Variants in ARHGAP25 observed in about 807,000 individuals in gnomAD.
ARHGAP25 encodes rho GTPase-activating protein 25.
Under a neutral mutation model 71.0 loss-of-function variants are expected in ARHGAP25, and 34 were observed. The ratio of observed to expected loss-of-function variants is 0.48; its 90% confidence interval spans 0.36 to 0.64. The LOEUF (loss-of-function observed/expected upper bound fraction) is 0.64. ARHGAP25 is among the 30% of genes least tolerant of loss of function. ARHGAP25 has a pLI of 0.00. For missense variants in ARHGAP25, 706 were observed against 805.1 expected (o/e 0.88, Z 1.49); for synonymous variants, 282 against 296.5 (o/e 0.95, Z 0.50).
chr2:68,823,548 G>C (rs1372067168), intron 10 of ARHGAP25, among the ~76,000 whole-genome samples: 1 of 152,182 alleles, frequency 6.6e-6, no homozygotes, highest in Non-Finnish European at 1.5e-5. Flanking sequence ...GCCGAGCCAT[G>C]AGAAAAGAGC....
Position 68,783,123 on chromosome 2 carries a change from C to T in ARHGAP25, c.349+803C>T, listed in dbSNP as rs112192463. Among the ~76,000 whole-genome samples the T allele has an allele frequency of 5.9e-5, 9 of 152,348 alleles. No individual in the cohort carries two copies. In the East Asian group the frequency reaches 1.3e-3, roughly 23 times the overall value. ...ATAAGAAAGTTGATGGAGAAGGCAG[C>T]GTAGCATAGAGGTTAGAAGTGTCCA... On this transcript the variant is annotated intron_variant, in intron 3 of 10. Transcript: ENST00000409202.
At chr2:68,760,230 C>T (rs115824315) in intron 1 of ARHGAP25, among the ~76,000 whole-genome samples, 331 of 152,096 alleles carry the variant, frequency 2.2e-3, no homozygotes, top group African/African-American at 7.1e-3. Context: ...CAGTGAACAT[C>T]ATACTCAACG....
intron 1 of ARHGAP25, among the ~76,000 whole-genome samples, chr2:68,749,506 T>C (rs916905569): frequency 1.9e-4 from 29 of 152,210 alleles, no homozygotes; most frequent in Admixed American, 1.2e-3. Context: ...ATTTCCCGTC[T>C]TGCAGTTTTC....
intron 4 of ARHGAP25, among the ~76,000 whole-genome samples, chr2:68,791,154 C>G (rs1230990574): frequency 6.6e-6 from 1 of 152,214 alleles, no homozygotes; most frequent in East Asian, 1.9e-4. Context: ...TTCCTTACCC[C>G]TCAGTTCTGC....
chr2:68,757,189 G>A (rs1438162085), intron 1 of ARHGAP25, among the ~76,000 whole-genome samples: 5 of 152,212 alleles, frequency 3.3e-5, no homozygotes, highest in Admixed American at 2.0e-4. Context: ...ACCATTAAGT[G>A]GACCAGCTTA....
chr2:68,800,746 T>G (rs1679907530), intron 4 of ARHGAP25, among the ~76,000 whole-genome samples: 1 of 152,216 alleles, frequency 6.6e-6, no homozygotes, highest in Admixed American at 6.5e-5. Flanking sequence ...CAATAATATT[T>G]ACTTTGTAGA....
chr2:68,817,980 C>T lies in ARHGAP25; in HGVS notation c.989C>T (p.Ala330Val). 1 of 1,614,064 alleles carries T rather than the reference C, an allele frequency of 6.2e-7. No individual in the cohort carries two copies. The highest frequency in any genetic ancestry group is 8.5e-7 in the Non-Finnish European group (1 of 1,179,958). ...NLIRSKVEDP[A>V]VIMRGTPQIQ... ...ATCAGGTCGAAGGTCGAAGACCCTG[C>T]CGTGATCATGAGAGGTATGGCTGGT... Residue 330 changes from alanine to valine, a missense_variant, in exon 8 of 11, where the codon GCC becomes GTC. Transcript: ENST00000409202.
intron 1 of ARHGAP25, among the ~76,000 whole-genome samples, chr2:68,745,551 A>G (rs1416124077): frequency 6.6e-6 from 1 of 152,190 alleles, no homozygotes; most frequent in East Asian, 1.9e-4. Context: ...TTTAAACCTA[A>G]TAATCCACCT....
At chr2:68,805,569 A>G (rs1217857571) in intron 4 of ARHGAP25, among the ~76,000 whole-genome samples, 2 of 152,012 alleles carry the variant, frequency 1.3e-5, no homozygotes, top group Non-Finnish European at 2.9e-5. Context: ...ACCAAGAGAA[A>G]GGCGCTCAAG....
intron 1 of ARHGAP25, chr2:68,774,989 G>T: frequency 6.9e-7 from 1 of 1,440,788 alleles, no homozygotes; most frequent in East Asian, 2.5e-5. Context: ...CGGGGCCACC[G>T]ACTGCAGCCT....
At chr2:68,713,100 A>G (rs1364902126) in intron 2 of ARHGAP25, among the ~76,000 whole-genome samples, 2 of 152,216 alleles carry the variant, frequency 1.3e-5, no homozygotes, top group Admixed American at 6.5e-5. Context: ...TACTTTGGGC[A>G]GTATGGTCAT....
At chr2:68,824,021 C>T (rs770296940) in intron 10 of ARHGAP25, among the ~76,000 whole-genome samples, 1 of 152,186 alleles carries the variant, frequency 6.6e-6, no homozygotes. Flanking sequence ...CGTCTTAGTC[C>T]ATGCAGACTC....
At chr2:68,811,016 A>G (rs1321260144) in intron 5 of ARHGAP25, among the ~76,000 whole-genome samples, 1 of 152,180 alleles carries the variant, frequency 6.6e-6, no homozygotes, top group Non-Finnish European at 1.5e-5. Flanking sequence ...TGCTGGGACT[A>G]CAGACATAAG....
intron 1 of ARHGAP25, among the ~76,000 whole-genome samples, chr2:68,751,413 C>A (rs1489818887): frequency 6.6e-6 from 1 of 152,210 alleles, no homozygotes; most frequent in African/African-American, 2.4e-5. Context: ...TGTATAAATA[C>A]AACTAAAGAG....
chr2:68,720,548 A>G (rs374975597), intron 2 of ARHGAP25, among the ~76,000 whole-genome samples: 38 of 152,266 alleles, frequency 2.5e-4, no homozygotes, highest in African/African-American at 8.9e-4. Context: ...CCAAAGTCCT[A>G]CAGTAAGGTG....
At chr2:68,804,003 G>A (rs1324569197) in intron 4 of ARHGAP25, among the ~76,000 whole-genome samples, 1 of 152,150 alleles carries the variant, frequency 6.6e-6, no homozygotes, top group Admixed American at 6.5e-5. Flanking sequence ...CACGCAAAGG[G>A]TAGTAGGAAG....
intron 10 of ARHGAP25, among the ~76,000 whole-genome samples, chr2:68,824,643 G>A (rs930305218): frequency 2.0e-5 from 3 of 152,286 alleles, no homozygotes; most frequent in East Asian, 3.9e-4. Context: ...TCAGGAGGCT[G>A]AGGCAGGAGA....
rs115184660 is a variant in ARHGAP25 at position 68,816,501 on chromosome 2, C to A, written c.881+139C>A. On this transcript the variant is annotated intron_variant, in intron 7 of 10. Coordinates refer to ENST00000409202, the MANE Select transcript of ARHGAP25 (RefSeq NM_001007231.3). Reference sequence around the variant, plus strand: ...GAAGATCAGCTGTATTCACATAGCACTGAAGTAGCTTCCTGTATAATTTCA... The same window carrying A: ...GAAGATCAGCTGTATTCACATAGCAATGAAGTAGCTTCCTGTATAATTTCA... 1.0e-3 allele frequency: 698 copies of A among 672,676 alleles called. 2 individuals carry two copies. In the African/African-American group the frequency reaches 0.011, roughly 11 times the overall value. The allele number at this position is 672,676 out of a possible 1,614,324, so 41.7% of individuals were successfully genotyped here.
In ARHGAP25 at chr2:68,813,368, G is replaced by A. The variant is rs2280310; in HGVS notation, c.756G>A (p.Gln252=). 0.21 allele frequency: 333,047 copies of A among 1,612,938 alleles called. 36,789 individuals carry two copies. The highest frequency in any genetic ancestry group is 0.4 in the East Asian group (17,765 of 44,774). ...CAGAGCCCGTGGTTCCCTGGAGCCA[G>A]TACGAAGGGTTCCTGCTCTGTGGGC... is the stretch of plus-strand genomic sequence containing the variant. ...DLPEPVVPWS[Q]YEGFLLCGQL... The change falls in exon 6 of 11, where the codon CAG becomes CAA. Residue 252 remains glutamine (Q), a synonymous_variant. Transcript: ENST00000409202.
Sources: allele counts gnomAD v4.1 joint callset (sites outside exome capture counted in the v4.1 genomes callset), GRCh38; gene constraint gnomAD v4.1.1; transcripts MANE v1.5; gene names NCBI Gene and HGNC (gene_info 2026-07-23, HGNC 2026-07-21).